Variants in CYP2C18 observed in about 807,000 individuals in gnomAD.
CYP2C18 encodes cytochrome P450 2C18.
In CYP2C18, 38 loss-of-function variants were observed where a neutral mutation model predicts 41.3. The ratio of observed to expected loss-of-function variants is 0.92; its 90% confidence interval spans 0.71 to 1.21. CYP2C18 has a LOEUF of 1.21. Ranked by LOEUF, CYP2C18 falls within the 50% of genes most tolerant of loss-of-function variation. The probability of loss-of-function intolerance (pLI) is 0.00; values close to 1 mark genes in which losing one functional copy is unlikely to be tolerated. For synonymous variants in CYP2C18, 236 were observed against 210.0 expected, an observed-to-expected ratio of 1.12 and a Z score of -1.07; for missense variants, 635 against 591.4, an observed-to-expected ratio of 1.07 and a Z score of -0.77.
intron 4 of CYP2C18, among the ~76,000 whole-genome samples, chr10:94,698,484 T>C (rs1847166709): frequency 6.6e-6 from 1 of 152,112 alleles, no homozygotes; most frequent in Admixed American, 6.6e-5. Context: ...CAAAGCAGTG[T>C]GTAGAGGGAA....
At chr10:94,707,008 C>G in intron 5 of CYP2C18, 48 bp downstream of exon 5, 1 of 1,524,442 alleles carries the variant, frequency 6.6e-7, no homozygotes, top group Non-Finnish European at 9.0e-7. Flanking sequence ...TTGATTAGTT[C>G]TATAACGATT....
chr10:94,694,787 T>G (rs1589793936), intron 3 of CYP2C18, 130 bp from the exon 4 acceptor site: 2 of 990,252 alleles, frequency 2.0e-6, no homozygotes, highest in African/African-American at 3.3e-5. Flanking sequence ...TATGCTGTAG[T>G]TTGTGTTGAT....
intron 1 of CYP2C18, 137 bp from the exon 2 acceptor site, chr10:94,687,633 A>C (rs926912464): frequency 1.4e-5 from 12 of 864,036 alleles, no homozygotes; most frequent in Non-Finnish European, 2.0e-5. Context: ...TTTGTCTAAA[A>C]TATACAAATA....
chr10:94,725,954 G>A (rs1847732851), intron 7 of CYP2C18, among the ~76,000 whole-genome samples: 1 of 152,042 alleles, frequency 6.6e-6, no homozygotes, highest in Non-Finnish European at 1.5e-5. Context: ...TCTGTATTGT[G>A]GTTGTTTTTA....
intron 2 of CYP2C18, 53 bp downstream of exon 2, chr10:94,687,985 G>A: frequency 6.2e-7 from 1 of 1,601,174 alleles, no homozygotes; most frequent in Non-Finnish European, 8.5e-7. Context: ...CTGGGCAGTG[G>A]CTATAGGGAT....
intron 5 of CYP2C18, among the ~76,000 whole-genome samples, chr10:94,718,455 CT>C (rs1382337088): frequency 6.6e-6 from 1 of 152,098 alleles, no homozygotes. Context: ...TCTCATTGCT[CT>C]GGCTAGTACT....
chr10:94,719,180 T>G (rs1184231618), intron 5 of CYP2C18, among the ~76,000 whole-genome samples: 1 of 152,178 alleles, frequency 6.6e-6, no homozygotes, highest in East Asian at 1.9e-4. Flanking sequence ...TTGCTTATAA[T>G]GTATTTATGT....
At chr10:94,715,571 G>C (rs889820601) in intron 5 of CYP2C18, among the ~76,000 whole-genome samples, 5 of 152,144 alleles carry the variant, frequency 3.3e-5, no homozygotes, top group Admixed American at 3.3e-4. Context: ...ATGTGCTGCT[G>C]GAATCAGTTT....
chr10:94,722,072 GA>G (rs887226596), intron 6 of CYP2C18, among the ~76,000 whole-genome samples: 4 of 152,084 alleles, frequency 2.6e-5, no homozygotes, highest in Admixed American at 2.6e-4. Context: ...GATTCTTTGG[GA>G]AATACTATTT....
intron 5 of CYP2C18, among the ~76,000 whole-genome samples, chr10:94,715,662 G>A (rs566963681): frequency 8.9e-4 from 135 of 152,262 alleles, no homozygotes; most frequent in Non-Finnish European, 1.8e-3. Context: ...TTGTGTCTCT[G>A]TCAGGCTTTG....
rs1589804912 is a variant in CYP2C18, at chr10:94,722,196, A to T, written c.961+1659A>T. On this transcript the variant is annotated intron_variant, in intron 6 of 8. Coordinates refer to ENST00000285979, the MANE Select transcript of CYP2C18 (RefSeq NM_000772.3). ...TGTATAATAAAGGTGTATGATATTTAAGCAGAAAATGTGCCTGAGGAATTT... is the reference window on the plus strand; with the variant it reads ...TGTATAATAAAGGTGTATGATATTTTAGCAGAAAATGTGCCTGAGGAATTT... Among the ~76,000 whole-genome samples, 12 of 152,302 alleles carry T rather than the reference A, an allele frequency of 7.9e-5. 3 individuals carry two copies. The highest frequency in any genetic ancestry group is 7.8e-4 in the Admixed American group (12 of 15,290).
intron 7 of CYP2C18, among the ~76,000 whole-genome samples, chr10:94,729,183 A>T (rs145599539): frequency 1.3e-5 from 2 of 152,298 alleles, no homozygotes; most frequent in East Asian, 1.9e-4. Flanking sequence ...CTGAGCTCAT[A>T]TAAAGAAGTC....
rs1846831539 is a variant in CYP2C18, at chr10:94,683,845, T to C, written c.26T>C (p.Leu9Pro). The C allele has an allele frequency of 6.2e-7, 1 of 1,606,602 alleles. No homozygotes were observed. The highest frequency in any genetic ancestry group is 8.5e-7 in the Non-Finnish European group (1 of 1,176,728). The part of the protein sequence containing the change: MDPAVALV[L>P]CLSCLFLLSL... ...ATGGATCCAGCTGTGGCTCTGGTGCTCTGTCTCTCCTGTTTGTTTCTCCTT... is the reference window on the plus strand; with the variant it reads ...ATGGATCCAGCTGTGGCTCTGGTGCCCTGTCTCTCCTGTTTGTTTCTCCTT... The change falls in exon 1 of 9, where the codon CTC (leucine) becomes CCC (proline). Residue 9 changes from leucine to proline, a missense_variant. Coordinates refer to ENST00000285979, the MANE Select transcript of CYP2C18 (RefSeq NM_000772.3).
intron 3 of CYP2C18, among the ~76,000 whole-genome samples, chr10:94,694,571 G>A (rs76944017): frequency 6.6e-6 from 1 of 152,198 alleles, no homozygotes; most frequent in East Asian, 1.9e-4. Flanking sequence ...ATGTTATTTT[G>A]CACTGATGAC....
chr10:94,719,682 C>T (rs1182041355), intron 5 of CYP2C18, among the ~76,000 whole-genome samples: 8 of 151,780 alleles, frequency 5.3e-5, no homozygotes. Flanking sequence ...TCAAGTGATT[C>T]TTATGCCTCA....
At chr10:94,731,316 C>T (rs7475739) in intron 7 of CYP2C18, among the ~76,000 whole-genome samples, 26,721 of 151,610 alleles carry the variant, frequency 0.18, 2,599 homozygotes, top group South Asian at 0.33. Flanking sequence ...GAAGGTGGAG[C>T]TTGCAGTGAG....
At chr10:94,707,347 A>C (rs1338777657) in intron 5 of CYP2C18, among the ~76,000 whole-genome samples, 2 of 152,200 alleles carry the variant, frequency 1.3e-5, no homozygotes, top group African/African-American at 4.8e-5. Context: ...GTAAATGTTA[A>C]AATATTTACA....
At chr10:94,698,895 C>T (rs1397002379) in intron 4 of CYP2C18, among the ~76,000 whole-genome samples, 1 of 152,150 alleles carries the variant, frequency 6.6e-6, no homozygotes, top group Non-Finnish European at 1.5e-5. Flanking sequence ...AGAATAAATT[C>T]CTCGACACAT....
chr10:94,704,794 C>A (rs1053265390), intron 4 of CYP2C18, among the ~76,000 whole-genome samples: 4 of 152,168 alleles, frequency 2.6e-5, no homozygotes, highest in African/African-American at 9.7e-5. Context: ...GAAACTGTCT[C>A]CCAGCTTTTA....
Sources: allele counts gnomAD v4.1 joint callset (sites outside exome capture counted in the v4.1 genomes callset), GRCh38; gene constraint gnomAD v4.1.1; transcripts MANE v1.5; gene names NCBI Gene and HGNC (gene_info 2026-07-23, HGNC 2026-07-21).